Variants in SIRPG observed in about 807,000 individuals in gnomAD.
The protein encoded by SIRPG is signal regulatory protein gamma.
Under a neutral mutation model 35.7 loss-of-function variants are expected in SIRPG, and 38 were observed. The observed-to-expected ratio is 1.06, with a 90% CI of 0.82 to 1.40. The LOEUF (loss-of-function observed/expected upper bound fraction) is 1.40. Among genes scored for constraint, SIRPG ranks in the 40% most tolerant of loss-of-function variants. SIRPG has a pLI of 0.00. For missense variants in SIRPG, 519 were observed against 483.0 expected (o/e 1.07, Z -0.70); for synonymous variants, 215 against 190.4 (o/e 1.13, Z -1.06).
chr20:1,684,201 A>G, the SIRPG span, among the ~76,000 whole-genome samples: 1 of 152,230 alleles, frequency 6.6e-6, no homozygotes, highest in African/African-American at 2.4e-5. Context: ...ATATACATGT[A>G]AGGTAATGCA....
At position 1,634,730 on chromosome 20, in the gene SIRPG, G is replaced by C. The variant is rs184003186; in HGVS notation, c.1081+537C>G. On this transcript the variant is annotated intron_variant, in intron 4 of 5. Transcript: ENST00000303415. ...TATGAGAAGATGGTTCCCCCTGCCT[G>C]CCTCTTTGCTCCTTAAATATATATT... 1.4e-4 allele frequency among the ~76,000 whole-genome samples: 21 copies of C among 152,128 alleles called. 1 individual carries two copies. Among genetic ancestry groups the C allele is most frequent in the African/African-American group, 4.8e-4 (20 of 41,512 alleles).
In SIRPG at chr20:1,633,937, A is replaced by AT. The variant is rs2091770484; in HGVS notation, c.1081+1329dup. Among the ~76,000 whole-genome samples, 3 of 152,278 alleles carry AT rather than the reference A, an allele frequency of 2.0e-5. No individual in the cohort carries two copies. The South Asian group carries it at 6.2e-4, about 32-fold the overall frequency. ...ACTGACCTTGTCCTCAGGGACCCAG[A>AT]TTTACTTTAATTAGTTTGAACCAAT... On this transcript the variant is annotated intron_variant, in intron 4 of 5. Transcript: ENST00000303415.
chr20:1,659,945 GCAGCTAA>G (rs1334177704), upstream of SIRPG, among the ~76,000 whole-genome samples: 1 of 152,188 alleles, frequency 6.6e-6, no homozygotes, highest in Non-Finnish European at 1.5e-5. Flanking sequence ...GAACAGCACT[GCAGCTAA>G]CAAATTCAAG....
the SIRPG span, among the ~76,000 whole-genome samples, chr20:1,681,345 T>C: frequency 0.24 from 36,462 of 152,122 alleles, 5,132 homozygotes; most frequent in East Asian, 0.59. Context: ...TAAGAGTGCC[T>C]GAGCTCAAAT....
At position 1,636,257 on chromosome 20, in the gene SIRPG, C is replaced by T. The variant is rs147250447; in HGVS notation, c.679G>A (p.Glu227Lys). The T allele has an allele frequency of 2.0e-5, 32 of 1,614,086 alleles. No individual in the cohort carries two copies. The highest frequency in any genetic ancestry group is 1.1e-4 in the African/African-American group (8 of 74,932). Residue 227 changes from glutamate to lysine, a missense_variant, in exon 3 of 6, where the codon GAG (glutamate) becomes AAG (lysine). By Grantham distance (56) the Glu-to-Lys change is moderately conservative. Transcript: ENST00000303415. ...CCCTGCAAGGTGACATGGGCCACCT[C>T]GCAGATGACCTGAGAGCGAACGTCC... ...PWDVRSQVIC[E>K]VAHVTLQGDP...
chr20:1,629,947 T>C (rs562597860), intron 5 of SIRPG, among the ~76,000 whole-genome samples: 3 of 152,130 alleles, frequency 2.0e-5, no homozygotes, highest in Non-Finnish European at 4.4e-5. Flanking sequence ...AATCTACAGA[T>C]AGCCTGCAAG....
chr20:1,636,081 C>T (rs2091797549), intron 3 of SIRPG, 107 bp downstream of exon 3: 2 of 1,511,524 alleles, frequency 1.3e-6, no homozygotes, highest in South Asian at 2.4e-5. Flanking sequence ...GCAGTATAGT[C>T]AGGGATTAGA....
intron 1 of SIRPG, among the ~76,000 whole-genome samples, chr20:1,650,351 T>C (rs908968002): frequency 1.3e-5 from 2 of 152,014 alleles, no homozygotes; most frequent in Non-Finnish European, 2.9e-5. Context: ...ATGGACAAAG[T>C]ACTAAAACAG....
intron 2 of SIRPG, chr20:1,648,069 C>G (rs1369843424): frequency 1.3e-5 from 2 of 152,142 alleles, no homozygotes. Flanking sequence ...GCTTAAGTCC[C>G]CCATCTGTAA....
At chr20:1,641,827 T>C (rs1219137659) in intron 2 of SIRPG, among the ~76,000 whole-genome samples, 1 of 152,192 alleles carries the variant, frequency 6.6e-6, no homozygotes, top group African/African-American at 2.4e-5. Context: ...ACTTCTTAAT[T>C]TCTGTCTTAA....
chr20:1,668,147 CTTT>C, the SIRPG span, among the ~76,000 whole-genome samples: 598 of 101,020 alleles, frequency 5.9e-3, 10 homozygotes, highest in African/African-American at 0.016. Context: ...CTTTTCTTTT[CTTT>C]TTTTCTTTTC....
the SIRPG span, among the ~76,000 whole-genome samples, chr20:1,668,198 CTTTTCTTT>C: frequency 1.4e-4 from 3 of 21,344 alleles, no homozygotes; most frequent in African/African-American, 3.1e-4. Context: ...TTTTTCTTTT[CTTTTCTTT>C]CTTTCTTTCT....
At chr20:1,676,549 T>C in the SIRPG span, 1 of 152,546 alleles carries the variant, frequency 6.6e-6, no homozygotes, top group Non-Finnish European at 1.5e-5. Context: ...CAATGGGCTT[T>C]AGTGTCTGAA....
chr20:1,670,921 T>A, the SIRPG span: 1 of 326,518 alleles, frequency 3.1e-6, no homozygotes, highest in Non-Finnish European at 6.2e-6. Flanking sequence ...ACAAAGAGGG[T>A]CCCCCTGTAA....
chr20:1,647,032 G>C (rs767273313), intron 2 of SIRPG: 5 of 152,302 alleles, frequency 3.3e-5, no homozygotes, highest in Non-Finnish European at 7.3e-5. Flanking sequence ...CTCTACACTT[G>C]AAAAACCACA....
rs2091791962 is a variant in SIRPG, at chr20:1,635,571, C to T, written c.777G>A (p.Gln259=). 6.2e-7 allele frequency: 1 copy of T among 1,614,022 alleles called. No individual in the cohort carries two copies. The highest frequency in any genetic ancestry group is 1.1e-5 in the South Asian group (1 of 91,086). ...TTACCTGGTTCCCCACCCTCATGGG[C>T]TGTTGAGTAACCTCCAAGGTGGGTG... ...RVPPTLEVTQ[Q]PMRVGNQVNV... is the part of the protein sequence containing the mutation. Residue 259 remains glutamine (Q), a synonymous_variant, in exon 4 of 6, where the codon CAG becomes CAA. Transcript: ENST00000303415.
chr20:1,634,868 C>A (rs926039589), intron 4 of SIRPG, among the ~76,000 whole-genome samples: 4 of 151,616 alleles, frequency 2.6e-5, no homozygotes, highest in Admixed American at 6.6e-5. Context: ...ACGGTGAAAC[C>A]CCATCTCTAC....
At chr20:1,647,818 T>C (rs1333098475) in intron 2 of SIRPG, 1 of 152,190 alleles carries the variant, frequency 6.6e-6, no homozygotes, top group Non-Finnish European at 1.5e-5. Flanking sequence ...AGTGTCTGAA[T>C]GTGAGGTGCA....
chr20:1,666,279 A>G, the SIRPG span: 44 of 152,386 alleles, frequency 2.9e-4, no homozygotes, highest in Admixed American at 1.4e-3. Flanking sequence ...ACCTCATAAC[A>G]TGAAAATGTT....
Sources: gnomAD v4.1 joint callset for allele counts (sites outside exome capture counted in the v4.1 genomes callset) on GRCh38, gnomAD v4.1.1 for gene constraint, MANE v1.5 for transcripts, NCBI Gene and HGNC (gene_info 2026-07-23, HGNC 2026-07-21) for gene names.